CTNNA3: variants seen among roughly 807,000 people sequenced by gnomAD.
The protein encoded by CTNNA3 is catenin alpha 3, also known as catenin alpha-3.
A neutral mutation model predicts 95.7 loss-of-function variants in CTNNA3; 76 were observed. The ratio of observed to expected loss-of-function variants is 0.79; its 90% CI spans 0.66 to 0.96. The LOEUF is 0.96. CTNNA3 is among the 40% of genes least tolerant of loss of function. The pLI is 0.00. For synonymous variants in CTNNA3, 431 were observed against 374.4 expected, an observed-to-expected ratio of 1.15 and a Z score of -1.74; for missense variants, 1,191 against 1,089.8, an observed-to-expected ratio of 1.09 and a Z score of -1.31.
intron 13 of CTNNA3, among the ~76,000 whole-genome samples, chr10:66,217,599 A>G (rs2088636234): frequency 6.6e-6 from 1 of 152,116 alleles, no homozygotes; most frequent in Non-Finnish European, 1.5e-5. Context: ...AATCATGTAA[A>G]TGTTTTCATC....
At chr10:67,232,577 C>T (rs1589060237) in intron 5 of CTNNA3, among the ~76,000 whole-genome samples, 1 of 151,882 alleles carries the variant, frequency 6.6e-6, no homozygotes, top group African/African-American at 2.4e-5. Flanking sequence ...TAAAGACCAT[C>T]GAGACTAGGA....
chr10:67,068,402 C>T lies in CTNNA3; in HGVS notation c.1047+111915G>A, dbSNP rs557909843. On this transcript the variant is annotated intron_variant, in intron 7 of 17. Coordinates refer to ENST00000433211, the MANE Select transcript of CTNNA3 (RefSeq NM_013266.4). ...TGCATGTGTTACGTTGGGGGACATTCGATGGATCTGTCTGTTAAGTAGTTG... is the reference window on the plus strand; with the variant it reads ...TGCATGTGTTACGTTGGGGGACATTTGATGGATCTGTCTGTTAAGTAGTTG... Among the ~76,000 whole-genome samples the T allele has an allele frequency of 2.6e-5, 4 of 152,158 alleles. No homozygotes were observed. The South Asian group carries it at 8.3e-4, about 32-fold the overall frequency.
intron 12 of CTNNA3, among the ~76,000 whole-genome samples, chr10:66,354,461 G>A (rs2092593644): frequency 6.6e-6 from 1 of 152,098 alleles, no homozygotes; most frequent in Non-Finnish European, 1.5e-5. Context: ...TCAAAAATGT[G>A]TCCAAAAACA....
chr10:66,821,440 G>C (rs763312416), intron 7 of CTNNA3, among the ~76,000 whole-genome samples: 4 of 152,026 alleles, frequency 2.6e-5, no homozygotes, highest in South Asian at 4.1e-4. Flanking sequence ...AATAGGAGTT[G>C]ATGTGAAAAA....
intron 7 of CTNNA3, among the ~76,000 whole-genome samples, chr10:67,169,941 C>T (rs1270419834): frequency 6.6e-6 from 1 of 151,938 alleles, no homozygotes; most frequent in African/African-American, 2.4e-5. Context: ...GAAAAACAAC[C>T]CCATTAAAAA....
intron 13 of CTNNA3, among the ~76,000 whole-genome samples, chr10:66,141,043 G>C (rs904014111): frequency 6.6e-6 from 1 of 152,166 alleles, no homozygotes; most frequent in East Asian, 1.9e-4. Context: ...AGGATCACCT[G>C]AGCTCAGGAG....
chr10:67,574,203 G>A (rs1016174687), intron 3 of CTNNA3, among the ~76,000 whole-genome samples: 2 of 152,166 alleles, frequency 1.3e-5, no homozygotes, highest in Admixed American at 6.5e-5. Context: ...TCTGGAGGAA[G>A]CAGGTTTGAT....
intron 11 of CTNNA3, among the ~76,000 whole-genome samples, chr10:66,463,406 G>A (rs569436067): frequency 1.3e-5 from 2 of 152,120 alleles, no homozygotes; most frequent in Non-Finnish European, 2.9e-5. Flanking sequence ...GCAGATATCA[G>A]TGCCATGCTT....
chr10:66,060,056 C>G, intron 15 of CTNNA3, among the ~76,000 whole-genome samples: 1 of 151,920 alleles, frequency 6.6e-6, no homozygotes, highest in Non-Finnish European at 1.5e-5. Context: ...CATAATTTTT[C>G]TGCAACTTTT....
intron 6 of CTNNA3, among the ~76,000 whole-genome samples, chr10:67,210,279 G>C (rs55846223): frequency 0.043 from 6,565 of 152,004 alleles, 176 homozygotes; most frequent in South Asian, 0.088. Flanking sequence ...TGCACTCCAG[G>C]CCAGGTGACA....
chr10:65,975,470 T>G (rs760161596), intron 16 of CTNNA3, among the ~76,000 whole-genome samples: 1 of 152,106 alleles, frequency 6.6e-6, no homozygotes, highest in Non-Finnish European at 1.5e-5. Flanking sequence ...CATTTAGCTC[T>G]TACTATGTGC....
chr10:66,233,407 A>C (rs1430502269), intron 13 of CTNNA3, among the ~76,000 whole-genome samples: 1 of 152,142 alleles, frequency 6.6e-6, no homozygotes, highest in Admixed American at 6.5e-5. Context: ...AGAGTAGAAG[A>C]AGATATTCAC....
At chr10:66,462,491 T>C (rs2093536353) in intron 11 of CTNNA3, among the ~76,000 whole-genome samples, 1 of 152,116 alleles carries the variant, frequency 6.6e-6, no homozygotes, top group Non-Finnish European at 1.5e-5. Flanking sequence ...CATACTTGCA[T>C]TCCTTCATCT....
intron 7 of CTNNA3, among the ~76,000 whole-genome samples, chr10:67,053,135 T>G (rs1744765432): frequency 6.6e-6 from 1 of 152,228 alleles, no homozygotes; most frequent in South Asian, 2.1e-4. Flanking sequence ...TACTTTATCA[T>G]AGTATTCTGT....
chr10:66,629,055 A>G (rs1845041763), intron 9 of CTNNA3, among the ~76,000 whole-genome samples: 1 of 152,172 alleles, frequency 6.6e-6, no homozygotes, highest in African/African-American at 2.4e-5. Flanking sequence ...GCCAGAGATA[A>G]GAAAGGTTGC....
intron 11 of CTNNA3, among the ~76,000 whole-genome samples, chr10:66,467,908 C>A (rs925589082): frequency 6.6e-6 from 1 of 152,110 alleles, no homozygotes; most frequent in African/African-American, 2.4e-5. Context: ...TTATTAGTCT[C>A]TGTTAATGTA....
At chr10:66,831,295 C>A (rs1266974507) in intron 7 of CTNNA3, among the ~76,000 whole-genome samples, 1 of 152,152 alleles carries the variant, frequency 6.6e-6, no homozygotes, top group African/African-American at 2.4e-5. Context: ...GCTTGTGATC[C>A]TTCAATCCCA....
At chr10:67,138,155 G>A (rs1290142080) in intron 7 of CTNNA3, among the ~76,000 whole-genome samples, 1 of 151,436 alleles carries the variant, frequency 6.6e-6, no homozygotes, top group African/African-American at 2.4e-5. Context: ...ATGGGTGTGA[G>A]TGTGTGTGTG....
At chr10:66,293,167 A>G (rs993929123) in intron 12 of CTNNA3, among the ~76,000 whole-genome samples, 8 of 152,216 alleles carry the variant, frequency 5.3e-5, no homozygotes, top group African/African-American at 1.2e-4. Flanking sequence ...GAATTGTCCT[A>G]TAAAGCTTTT....
Sources: allele counts gnomAD v4.1 joint callset (sites outside exome capture counted in the v4.1 genomes callset), GRCh38; gene constraint gnomAD v4.1.1; transcripts MANE v1.5; gene names NCBI Gene and HGNC (gene_info 2026-07-23, HGNC 2026-07-21).